Variants in CCDC171 observed in about 807,000 individuals in gnomAD.
CCDC171 encodes coiled-coil domain-containing protein 171.
Under a neutral mutation model 168.2 loss-of-function variants are expected in CCDC171, and 177 were observed. The observed-to-expected ratio is 1.05, with a 90% confidence interval of 0.93 to 1.19. The LOEUF (loss-of-function observed/expected upper bound fraction) is 1.19, where lower values mean the gene tolerates loss of function less well. Ranked by LOEUF, CCDC171 falls within the 50% of genes most tolerant of loss-of-function variation. The probability of loss-of-function intolerance (pLI) is 0.00; values close to 1 mark genes in which losing one functional copy is unlikely to be tolerated. For missense variants in CCDC171, 1,991 were observed against 1,539.0 expected, an observed-to-expected ratio of 1.29 and a Z score of -4.91; for synonymous variants, 687 against 540.8, an observed-to-expected ratio of 1.27 and a Z score of -3.75.
At chr9:15,902,990 G>A (rs991063433) in intron 24 of CCDC171, among the ~76,000 whole-genome samples, 6 of 152,220 alleles carry the variant, frequency 3.9e-5, no homozygotes, top group Admixed American at 1.3e-4. Flanking sequence ...GGGGAGGGGC[G>A]CTCGCCATTG....
intron 10 of CCDC171, among the ~76,000 whole-genome samples, chr9:15,688,455 A>T (rs978446535): frequency 6.6e-6 from 1 of 152,170 alleles, no homozygotes; most frequent in African/African-American, 2.4e-5. Flanking sequence ...TTGAATGTAG[A>T]TGCTAAAATT....
chr9:15,729,982 T>C (rs1310616217), intron 16 of CCDC171, among the ~76,000 whole-genome samples, 184 bp downstream of exon 16: 2 of 152,038 alleles, frequency 1.3e-5, no homozygotes, highest in Non-Finnish European at 2.9e-5. Context: ...GGTGTGTATA[T>C]TAAGGATTGT....
intron 4 of CCDC171, among the ~76,000 whole-genome samples, chr9:15,584,568 AG>A (rs2041402700): frequency 6.6e-6 from 1 of 152,210 alleles, no homozygotes; most frequent in Non-Finnish European, 1.5e-5. Flanking sequence ...TCCAGGTGAT[AG>A]ATCACATGAG....
chr9:15,911,471 A>G (rs1267611070), intron 24 of CCDC171, among the ~76,000 whole-genome samples: 1 of 152,148 alleles, frequency 6.6e-6, no homozygotes, highest in Non-Finnish European at 1.5e-5. Context: ...GATAGATTGC[A>G]GTAATTTTCT....
chr9:16,006,908 T>G lies in CCDC171; in HGVS notation n.369-13681T>G, dbSNP rs36075228. Among the ~76,000 whole-genome samples the G allele has an allele frequency of 5.6e-3, 858 of 152,312 alleles. 5 individuals carry two copies. The highest frequency in any genetic ancestry group is 8.6e-3 in the Non-Finnish European group (586 of 68,022). ...AATAAACATACGTGTGCATGTGTCTTTATAGCAGCATGATTTATAGTCCTT... is the reference window on the plus strand; with the variant it reads ...AATAAACATACGTGTGCATGTGTCTGTATAGCAGCATGATTTATAGTCCTT... On this transcript the variant is annotated intron_variant and non_coding_transcript_variant, in intron 3 of 9. Coordinates refer to the CCDC171 transcript ENST00000486641.
At chr9:15,639,536 A>T (rs1272197642) in intron 7 of CCDC171, among the ~76,000 whole-genome samples, 1 of 151,998 alleles carries the variant, frequency 6.6e-6, no homozygotes, top group East Asian at 1.9e-4. Context: ...CTTTTTCTTC[A>T]TTAAACTCTT....
intron 18 of CCDC171, among the ~76,000 whole-genome samples, chr9:15,763,260 C>T (rs1588360763): frequency 1.3e-5 from 2 of 152,116 alleles, no homozygotes; most frequent in Admixed American, 6.6e-5. Context: ...GGAGTATGAC[C>T]AACCCAGGAA....
intron 25 of CCDC171, among the ~76,000 whole-genome samples, chr9:15,928,404 C>T (rs1355734247): frequency 1.3e-5 from 2 of 151,644 alleles, no homozygotes; most frequent in Non-Finnish European, 3.0e-5. Flanking sequence ...ATGGTTGAAG[C>T]AGAGTGGATT....
Position 15,631,784 on chromosome 9 carries a change from A to C in CCDC171, c.822+8371A>C, listed in dbSNP as rs552331832. On this transcript the variant is annotated intron_variant, in intron 7 of 25. Transcript: ENST00000380701. ...CAAAAATCCTCAGTAAAATACTGGC[A>C]AACTGAATCCAGCAGCACATCAAAA... Among the ~76,000 whole-genome samples, 783 of 152,366 alleles carry C rather than the reference A, an allele frequency of 5.1e-3. 6 individuals are homozygous for C. The highest frequency in any genetic ancestry group is 0.018 in the African/African-American group (766 of 41,576).
At chr9:15,976,124 A>C (rs1343919660), downstream of CCDC171, among the ~76,000 whole-genome samples, 1 of 152,204 alleles carries the variant, frequency 6.6e-6, no homozygotes, top group Non-Finnish European at 1.5e-5. Context: ...CAGAGCCTCC[A>C]GGATTGTAAG....
At chr9:15,672,188 G>C (rs1470915428) in intron 9 of CCDC171, among the ~76,000 whole-genome samples, 1 of 152,074 alleles carries the variant, frequency 6.6e-6, no homozygotes, top group Non-Finnish European at 1.5e-5. Flanking sequence ...CCCACTTTTT[G>C]ATGGGGTTGT....
intron 24 of CCDC171, among the ~76,000 whole-genome samples, chr9:15,885,033 C>T (rs1396947613): frequency 6.6e-6 from 1 of 152,142 alleles, no homozygotes; most frequent in Non-Finnish European, 1.5e-5. Flanking sequence ...GTGGTAAATT[C>T]ATGCCATATA....
chr9:15,796,634 C>T (rs2058569580), intron 21 of CCDC171, among the ~76,000 whole-genome samples: 1 of 152,208 alleles, frequency 6.6e-6, no homozygotes. Flanking sequence ...GAGCTCCCTG[C>T]TCAACCCTGC....
rs542962919 is a variant in CCDC171, at chr9:15,637,255, C to CA, written c.822+13847dup. On this transcript the variant is annotated intron_variant, in intron 7 of 25. Coordinates refer to ENST00000380701, the MANE Select transcript of CCDC171 (RefSeq NM_173550.4). ...TGGGCAACAGAGCAAGACTCTATCTCAAAAACAAAACAAAAGAAAAAGTAA... is the reference window on the plus strand; with the variant it reads ...TGGGCAACAGAGCAAGACTCTATCTCAAAAAACAAAACAAAAGAAAAAGTAA... Among the ~76,000 whole-genome samples the CA allele has an allele frequency of 5.0e-4, 76 of 151,998 alleles. 1 individual carries two copies. The highest frequency in any genetic ancestry group is 1.6e-3 in the African/African-American group (68 of 41,464).
At chr9:15,981,074 G>T (rs535146385) in intron 3 of CCDC171, among the ~76,000 whole-genome samples, 24 of 152,180 alleles carry the variant, frequency 1.6e-4, no homozygotes, top group African/African-American at 4.6e-4. Flanking sequence ...TTACTGTCAC[G>T]AGAAAAGCCA....
At chr9:15,627,055 G>A (rs1024567560) in intron 7 of CCDC171, among the ~76,000 whole-genome samples, 1 of 152,176 alleles carries the variant, frequency 6.6e-6, no homozygotes, top group Admixed American at 6.5e-5. Flanking sequence ...GAGGGTGTAT[G>A]TGTCGAGGAA....
chr9:15,968,011 G>A (rs893904331), intron 25 of CCDC171, among the ~76,000 whole-genome samples: 19 of 152,070 alleles, frequency 1.2e-4, no homozygotes, highest in Non-Finnish European at 2.5e-4. Context: ...AGATATTAAA[G>A]CCTTGAAAAA....
the CCDC171 span, among the ~76,000 whole-genome samples, chr9:16,102,499 G>A: frequency 2.1e-5 from 3 of 145,852 alleles, no homozygotes; most frequent in Non-Finnish European, 4.5e-5. Flanking sequence ...GGGGGGGGGC[G>A]GGGGTGGGGG....
intron 6 of CCDC171, among the ~76,000 whole-genome samples, chr9:15,602,062 G>A (rs952215741): frequency 3.3e-5 from 5 of 152,150 alleles, no homozygotes; most frequent in Admixed American, 6.5e-5. Flanking sequence ...TAGTTACTAC[G>A]AACAGTAACT....
Sources: gnomAD v4.1 joint callset for allele counts (sites outside exome capture counted in the v4.1 genomes callset) on GRCh38, gnomAD v4.1.1 for gene constraint, MANE v1.5 for transcripts, NCBI Gene and HGNC (gene_info 2026-07-23, HGNC 2026-07-21) for gene names.